GRIA3: variants seen among roughly 807,000 people sequenced by gnomAD.
The protein encoded by GRIA3 is glutamate receptor 3.
GRIA3 carries 3 observed loss-of-function variants against 63.0 expected under a neutral mutation model. The ratio of observed to expected loss-of-function variants is 0.05; its 90% CI spans 0.02 to 0.12. The LOEUF (loss-of-function observed/expected upper bound fraction) is 0.12. Ranked by LOEUF, GRIA3 falls within the 10% of genes least tolerant of loss-of-function variation. The pLI, the probability that GRIA3 is intolerant of heterozygous loss-of-function variation, is 1.00. For missense variants in GRIA3, 347 were observed against 700.9 expected (o/e 0.50, Z 5.70); for synonymous variants, 274 against 257.9 (o/e 1.06, Z -0.60).
chrX:123,365,540 C>T (rs1173487498), intron 5 of GRIA3, among the ~76,000 whole-genome samples: 1 of 111,275 alleles, frequency 9.0e-6, no homozygotes, highest in Non-Finnish European at 1.9e-5. Flanking sequence ...CATTGCAGTC[C>T]TTTGAGAAAG....
At chrX:123,393,737 T>C (rs1299504602) in intron 5 of GRIA3, among the ~76,000 whole-genome samples, 2 of 112,129 alleles carry the variant, frequency 1.8e-5, no homozygotes, top group Non-Finnish European at 3.8e-5. Flanking sequence ...ATTCTTTCTA[T>C]TTTTCTGTAT....
intron 11 of GRIA3, among the ~76,000 whole-genome samples, chrX:123,423,772 A>C (rs2045575828): frequency 8.9e-6 from 1 of 112,385 alleles, no homozygotes. Context: ...TAAAGCTAGT[A>C]AAGTGAAGAT....
At chrX:123,478,516 C>T (rs376442684) in intron 13 of GRIA3, among the ~76,000 whole-genome samples, 28 of 111,893 alleles carry the variant, frequency 2.5e-4, no homozygotes, top group African/African-American at 3.9e-4. Context: ...TTATTCAAAC[C>T]GCAAGTACTC....
intron 5 of GRIA3, among the ~76,000 whole-genome samples, chrX:123,380,189 T>C (rs2045314293): frequency 9.0e-6 from 1 of 111,348 alleles, no homozygotes; most frequent in Non-Finnish European, 1.9e-5. Flanking sequence ...AAATGGTATT[T>C]CTAGTTCTAG....
chrX:123,283,736 A>G (rs994624636), intron 3 of GRIA3, among the ~76,000 whole-genome samples: 1 of 112,732 alleles, frequency 8.9e-6, no homozygotes, highest in Non-Finnish European at 1.9e-5. Context: ...AAAGAAAGGC[A>G]GCAGCCCCAG....
intron 3 of GRIA3, among the ~76,000 whole-genome samples, chrX:123,275,379 G>T (rs1273720520): frequency 8.9e-6 from 1 of 112,017 alleles, no homozygotes; most frequent in African/African-American, 3.2e-5. Context: ...AACTTAGGCA[G>T]TCAGGGGCCA....
chrX:123,244,872 A>G (rs188586791), intron 2 of GRIA3, among the ~76,000 whole-genome samples: 1,188 of 112,876 alleles, frequency 0.011, 8 homozygotes, highest in Non-Finnish European at 0.016. Context: ...TTATTAATCC[A>G]TTAACAATTC....
At chrX:123,462,458 G>A (rs2045798329) in intron 12 of GRIA3, among the ~76,000 whole-genome samples, 1 of 111,822 alleles carries the variant, frequency 8.9e-6, no homozygotes, top group Non-Finnish European at 1.9e-5. Flanking sequence ...CAAACCAAAT[G>A]TGTTCCCATC....
At chrX:123,249,658 T>C (rs1235721380) in intron 2 of GRIA3, among the ~76,000 whole-genome samples, 1 of 111,435 alleles carries the variant, frequency 9.0e-6, no homozygotes, top group African/African-American at 3.3e-5. Context: ...GAGTCAAATG[T>C]TTCCTGATTT....
At chrX:123,367,472 T>C (rs1300389254) in intron 5 of GRIA3, among the ~76,000 whole-genome samples, 2 of 109,401 alleles carry the variant, frequency 1.8e-5, no homozygotes. Flanking sequence ...AGTTTTGCCC[T>C]GTCACCCAGG....
chrX:123,439,281 A>G (rs1694357128), intron 12 of GRIA3, among the ~76,000 whole-genome samples: 1 of 111,764 alleles, frequency 8.9e-6, no homozygotes, highest in Admixed American at 9.5e-5. Flanking sequence ...GTTGGAAGAG[A>G]GGGGCTTGGA....
chrX:123,291,020 A>G (rs2044652662), intron 3 of GRIA3, among the ~76,000 whole-genome samples: 2 of 111,880 alleles, frequency 1.8e-5, no homozygotes, highest in African/African-American at 6.5e-5. Context: ...TTAAAGCTTT[A>G]ACACACAGGC....
chrX:123,236,209 A>G (rs775403429), intron 2 of GRIA3, among the ~76,000 whole-genome samples: 34 of 111,666 alleles, frequency 3.0e-4, no homozygotes, highest in African/African-American at 1.1e-3. Context: ...ATACCACACC[A>G]ATCTGGAGCT....
chrX:123,301,657 C>T (rs1182618649), intron 3 of GRIA3, among the ~76,000 whole-genome samples: 4 of 111,740 alleles, frequency 3.6e-5, no homozygotes, highest in Non-Finnish European at 7.6e-5. Flanking sequence ...TTTTCAAAGT[C>T]ACACAGCTAG....
chrX:123,326,151 A>T lies in GRIA3; in HGVS notation c.634A>T (p.Arg212Trp). The stretch of plus-strand genomic sequence containing the variant: ...GCGCATCATTGAAGAAATGGACAGG[A>T]GGCAGGAAAAGCGATACTTGATTGA... ...FRRIIEEMDRRQEKRYLIDCE... is the reference protein window; with the variant it reads ...FRRIIEEMDRWQEKRYLIDCE... Residue 212 changes from arginine (R) to tryptophan (W), a missense_variant, in exon 4 of 16, where the codon AGG becomes TGG. Arg to Trp is a moderately radical substitution (Grantham distance 101, BLOSUM62 -3). Transcript: ENST00000620443. 8.3e-7 allele frequency: 1 copy of T among 1,209,901 alleles called. No individual in the cohort carries two copies. Among genetic ancestry groups the T allele is most frequent in the African/African-American group, 1.7e-5 (1 of 57,759 alleles).
At chrX:123,327,935 C>T (rs1426416118) in intron 4 of GRIA3, among the ~76,000 whole-genome samples, 1 of 111,712 alleles carries the variant, frequency 9.0e-6, no homozygotes, top group Non-Finnish European at 1.9e-5. Context: ...AAATTTTATA[C>T]CAAAATAGCC....
In GRIA3 at chrX:123,184,574, G is replaced by A. The variant is rs757535196; in HGVS notation, c.39G>A (p.Arg13=). ...RQKKMGQSVL[R]AVFFLVLGLL... ...AGAAAATGGGGCAAAGCGTGCTCCG[G>A]GCGGTCTTCTTTTTAGTCCTGGGGC... is the stretch of plus-strand genomic sequence containing the variant. The change falls in exon 1 of 16, where the codon CGG becomes CGA. Residue 13 remains arginine (R), a synonymous_variant. Coordinates refer to ENST00000620443, the MANE Select transcript of GRIA3 (RefSeq NM_007325.5). 1.5e-5 allele frequency: 18 copies of A among 1,208,060 alleles called. No homozygotes were observed. The East Asian group carries it at 4.8e-4, about 32-fold the overall frequency.
chrX:123,319,348 A>T (rs2147328368), intron 3 of GRIA3, among the ~76,000 whole-genome samples: 1 of 112,414 alleles, frequency 8.9e-6, no homozygotes, highest in East Asian at 2.8e-4. Flanking sequence ...AAGTCACCTA[A>T]CAACGCATTT....
intron 10 of GRIA3, among the ~76,000 whole-genome samples, chrX:123,407,104 G>A (rs922427097): frequency 9.9e-5 from 11 of 111,413 alleles, no homozygotes; most frequent in Non-Finnish European, 1.9e-4. Context: ...ATATAATCTT[G>A]TAATATCATT....
Sources: gnomAD v4.1 joint callset for allele counts (sites outside exome capture counted in the v4.1 genomes callset) on GRCh38, gnomAD v4.1.1 for gene constraint, MANE v1.5 for transcripts, NCBI Gene and HGNC (gene_info 2026-07-23, HGNC 2026-07-21) for gene names.